IPCEF1: variants seen among roughly 807,000 people sequenced by gnomAD.
IPCEF1 encodes the protein interactor protein for cytohesin exchange factors 1.
In IPCEF1, 31 loss-of-function variants were observed where a neutral mutation model predicts 50.9. The observed-to-expected ratio is 0.61, with a 90% CI of 0.46 to 0.82. IPCEF1 has a LOEUF of 0.82. IPCEF1 is among the 40% of genes least tolerant of loss of function. The pLI, the probability that IPCEF1 is intolerant of heterozygous loss-of-function variation, is 0.00. For synonymous variants in IPCEF1, 181 were observed against 192.0 expected, an observed-to-expected ratio of 0.94 and a Z score of 0.47; for missense variants, 458 against 514.0, an observed-to-expected ratio of 0.89 and a Z score of 1.05.
chr6:154,195,147 CTTTTT>C (rs10719288), intron 10 of IPCEF1, among the ~76,000 whole-genome samples: 1 of 122,898 alleles, frequency 8.1e-6, no homozygotes, highest in Non-Finnish European at 1.7e-5. Context: ...TCTTTTCTTT[CTTTTT>C]TTTTTTTTTT....
chr6:154,265,366 C>T (rs1048460546), intron 3 of IPCEF1, among the ~76,000 whole-genome samples: 8 of 151,904 alleles, frequency 5.3e-5, no homozygotes, highest in Non-Finnish European at 1.2e-4. Context: ...CTGCAACCTC[C>T]ACTTCCCAGG....
At chr6:154,299,627 G>C (rs1782744107) in intron 1 of IPCEF1, among the ~76,000 whole-genome samples, 1 of 140,484 alleles carries the variant, frequency 7.1e-6, no homozygotes, top group African/African-American at 2.5e-5. Flanking sequence ...AGAACATCGG[G>C]AAAAACAGCT....
chr6:154,209,551 G>A (rs770859173), intron 9 of IPCEF1, among the ~76,000 whole-genome samples: 3 of 151,852 alleles, frequency 2.0e-5, no homozygotes, highest in African/African-American at 4.8e-5. Context: ...GGGGGCCGAG[G>A]TGGGAGGATG....
intron 2 of IPCEF1, among the ~76,000 whole-genome samples, chr6:154,283,569 G>A (rs1782283124): frequency 6.6e-6 from 1 of 152,112 alleles, no homozygotes; most frequent in Non-Finnish European, 1.5e-5. Flanking sequence ...CTGCACTCCA[G>A]CCTGGGTGAC....
chr6:154,281,715 C>G (rs1190423811), intron 2 of IPCEF1, among the ~76,000 whole-genome samples: 1 of 151,738 alleles, frequency 6.6e-6, no homozygotes, highest in African/African-American at 2.4e-5. Context: ...TAAAAATTAG[C>G]CTGGAGGCCG....
At chr6:154,224,687 G>A (rs1192094271) in intron 5 of IPCEF1, among the ~76,000 whole-genome samples, 1 of 152,010 alleles carries the variant, frequency 6.6e-6, no homozygotes, top group East Asian at 1.9e-4. Flanking sequence ...CTCCAGTCTG[G>A]ACAACAGAGT....
At chr6:154,191,977 A>C (rs1408612862) in intron 10 of IPCEF1, among the ~76,000 whole-genome samples, 2 of 152,186 alleles carry the variant, frequency 1.3e-5, no homozygotes, top group African/African-American at 2.4e-5. Context: ...CTGAAAAAAA[A>C]AGTGTTCACC....
intron 10 of IPCEF1, among the ~76,000 whole-genome samples, chr6:154,189,054 C>A (rs1801630645): frequency 6.6e-6 from 1 of 152,086 alleles, no homozygotes; most frequent in African/African-American, 2.4e-5. Context: ...GTAGAAAATA[C>A]ATTTGCAATA....
chr6:154,276,189 A>G (rs1397570588), intron 2 of IPCEF1, among the ~76,000 whole-genome samples: 1 of 151,970 alleles, frequency 6.6e-6, no homozygotes, highest in Non-Finnish European at 1.5e-5. Context: ...ATCTCAGAAG[A>G]AAAGAAAGAA....
intron 1 of IPCEF1, among the ~76,000 whole-genome samples, chr6:154,337,179 TA>T (rs1272039928): frequency 6.6e-5 from 10 of 152,128 alleles, no homozygotes; most frequent in Admixed American, 3.3e-4. Flanking sequence ...CAATAAATTA[TA>T]AAACAGCCAG....
chr6:154,189,361 C>T (rs1432671273), intron 10 of IPCEF1, among the ~76,000 whole-genome samples: 1 of 152,098 alleles, frequency 6.6e-6, no homozygotes, highest in African/African-American at 2.4e-5. Flanking sequence ...ACATCATGGC[C>T]AGCAATTCCA....
At chr6:154,266,585 T>TATATATATATATATATATAC in intron 2 of IPCEF1, among the ~76,000 whole-genome samples, 1 of 135,704 alleles carries the variant, frequency 7.4e-6, no homozygotes, top group African/African-American at 2.7e-5. Flanking sequence ...TATATATATA[T>TATATATATATATATATATAC]ACACACAAAC....
chr6:154,286,127 C>A (rs892048007), intron 2 of IPCEF1, among the ~76,000 whole-genome samples: 13 of 152,080 alleles, frequency 8.5e-5, no homozygotes, highest in Non-Finnish European at 1.8e-4. Context: ...TAAATATGAA[C>A]TGTTTGCTCC....
intron 1 of IPCEF1, among the ~76,000 whole-genome samples, chr6:154,292,015 A>G (rs908181720): frequency 2.6e-5 from 4 of 152,156 alleles, no homozygotes; most frequent in African/African-American, 9.7e-5. Context: ...ACAAAATGCA[A>G]TCACTATACA....
intron 1 of IPCEF1, among the ~76,000 whole-genome samples, chr6:154,296,818 G>C (rs1782674178): frequency 7.2e-6 from 1 of 139,304 alleles, no homozygotes; most frequent in Non-Finnish European, 1.5e-5. Context: ...GACAGAGAGA[G>C]ACTCCGTCTC....
chr6:154,352,423 C>T (rs1012826784), intron 1 of IPCEF1, among the ~76,000 whole-genome samples: 5 of 152,104 alleles, frequency 3.3e-5, no homozygotes, highest in Admixed American at 2.0e-4. Context: ...TTTTCCTTGA[C>T]GATCTGGTCA....
intron 5 of IPCEF1, among the ~76,000 whole-genome samples, chr6:154,235,681 G>A (rs568418203): frequency 7.2e-5 from 11 of 151,864 alleles, no homozygotes; most frequent in African/African-American, 1.2e-4. Flanking sequence ...CATGAGTTTC[G>A]TCTGTACTAT....
chr6:154,158,542 C>G lies in IPCEF1; in HGVS notation c.*1286G>C, dbSNP rs951712025. 1 of 152,090 alleles carries G rather than the reference C, an allele frequency of 6.6e-6. No homozygotes were observed. Among genetic ancestry groups the G allele is most frequent in the African/African-American group, 2.4e-5 (1 of 41,488 alleles). 9.4% of individuals were successfully genotyped at this position (152,090 alleles called of 1,614,324 possible). On this transcript the variant is annotated 3_prime_UTR_variant, in exon 12 of 12. Transcript: ENST00000367220. ...CTTTGCTGGTTAAAAGAGTGACTTA[C>G]AAGAGATAGAAATCTAAATTTAAGA... is the stretch of plus-strand genomic sequence containing the variant.
chr6:154,295,460 G>A (rs1007739474), intron 1 of IPCEF1, among the ~76,000 whole-genome samples: 16 of 119,394 alleles, frequency 1.3e-4, no homozygotes, highest in South Asian at 6.3e-4. Context: ...CCATCTCACC[G>A]CACCCCACCA....
Sources: gnomAD v4.1 joint callset for allele counts (sites outside exome capture counted in the v4.1 genomes callset) on GRCh38, gnomAD v4.1.1 for gene constraint, MANE v1.5 for transcripts, NCBI Gene and HGNC (gene_info 2026-07-23, HGNC 2026-07-21) for gene names.